The following GRIK2 variants were observed in gnomAD, a reference collection of about 807,000 sequenced individuals.
GRIK2 encodes the protein glutamate receptor ionotropic, kainate 2.
In GRIK2, 32 loss-of-function variants were observed where a neutral mutation model predicts 100.3. That is an observed-to-expected ratio of 0.32 (90% CI 0.24 to 0.43). GRIK2 has a LOEUF of 0.43. GRIK2 is among the 20% of genes least tolerant of loss of function. The pLI is 1.00. For synonymous variants in GRIK2, 417 were observed against 389.4 expected, an observed-to-expected ratio of 1.07 and a Z score of -0.83; for missense variants, 843 against 1,114.9, an observed-to-expected ratio of 0.76 and a Z score of 3.47.
At chr6:101,993,620 AAAT>A (rs964031540) in intron 14 of GRIK2, 1 of 150,736 alleles carries the variant, frequency 6.6e-6, no homozygotes, top group Non-Finnish European at 1.5e-5. Context: ...GTTATAGCAA[AAAT>A]AATGCCATAG....
At chr6:101,436,410 A>T (rs534960258) in intron 2 of GRIK2, among the ~76,000 whole-genome samples, 16 of 152,148 alleles carry the variant, frequency 1.1e-4, no homozygotes, top group African/African-American at 2.6e-4. Flanking sequence ...TGTTAAAAAA[A>T]TTTTTTTAGC....
chr6:101,868,842 A>C (rs1374105535), intron 11 of GRIK2, among the ~76,000 whole-genome samples: 2 of 151,898 alleles, frequency 1.3e-5, no homozygotes, highest in Admixed American at 1.3e-4. Context: ...ATGTGGAAAA[A>C]AATTCAGTAT....
At chr6:101,433,309 A>G (rs1769520820) in intron 2 of GRIK2, among the ~76,000 whole-genome samples, 2 of 152,174 alleles carry the variant, frequency 1.3e-5, no homozygotes, top group Admixed American at 1.3e-4. Context: ...TGAATCAACT[A>G]ACTTCTTCAA....
At chr6:101,565,314 C>T (rs956821815) in intron 2 of GRIK2, among the ~76,000 whole-genome samples, 3 of 152,062 alleles carry the variant, frequency 2.0e-5, no homozygotes, top group African/African-American at 7.2e-5. Flanking sequence ...ATTGATGACT[C>T]TTAAAACACA....
intron 2 of GRIK2, among the ~76,000 whole-genome samples, chr6:101,600,006 G>GT (rs1196357820): frequency 6.6e-6 from 1 of 151,638 alleles, no homozygotes; most frequent in African/African-American, 2.4e-5. Flanking sequence ...TGTTACCTAG[G>GT]TTTTCTACTA....
intron 14 of GRIK2, among the ~76,000 whole-genome samples, chr6:102,012,535 T>G: frequency 6.6e-6 from 1 of 152,196 alleles, no homozygotes; most frequent in Admixed American, 6.5e-5. Context: ...ATCAGAGTAT[T>G]ATACTTTTTC....
chr6:101,841,437 C>T (rs1459011710), intron 10 of GRIK2, among the ~76,000 whole-genome samples: 1 of 151,862 alleles, frequency 6.6e-6, no homozygotes, highest in Non-Finnish European at 1.5e-5. Flanking sequence ...AATCTCAGCC[C>T]ACTGCAAACT....
chr6:101,530,178 AT>A (rs1562204211), intron 2 of GRIK2, among the ~76,000 whole-genome samples: 29 of 152,180 alleles, frequency 1.9e-4, no homozygotes, highest in African/African-American at 6.5e-4. Context: ...ATGCTGGTGC[AT>A]TAAAGAGAGC....
intron 14 of GRIK2, among the ~76,000 whole-genome samples, chr6:102,025,370 A>G (rs1280155138): frequency 6.6e-6 from 1 of 151,386 alleles, no homozygotes; most frequent in Non-Finnish European, 1.5e-5. Context: ...GAGGAAATAC[A>G]TAATATACTA....
chr6:101,850,218 T>G (rs1562437694), intron 10 of GRIK2, among the ~76,000 whole-genome samples: 1 of 152,050 alleles, frequency 6.6e-6, no homozygotes, highest in Non-Finnish European at 1.5e-5. Flanking sequence ...GATTTCAAAT[T>G]CACCACTAGA....
At chr6:101,458,078 ATAT>A (rs1276505949) in intron 2 of GRIK2, among the ~76,000 whole-genome samples, 2 of 151,500 alleles carry the variant, frequency 1.3e-5, no homozygotes, top group Admixed American at 6.6e-5. Context: ...TATTTGAAAA[ATAT>A]TATGAGATAG....
intron 2 of GRIK2, among the ~76,000 whole-genome samples, chr6:101,595,035 G>C (rs1778844752): frequency 6.6e-6 from 1 of 151,510 alleles, no homozygotes; most frequent in African/African-American, 2.4e-5. Flanking sequence ...GAATAAAAGA[G>C]GGAGGTTAAG....
At chr6:101,665,977 T>C (rs1206707486) in intron 4 of GRIK2, among the ~76,000 whole-genome samples, 1 of 152,102 alleles carries the variant, frequency 6.6e-6, no homozygotes, top group African/African-American at 2.4e-5. Context: ...ATCATCAAAA[T>C]AGAGACGTAG....
intron 14 of GRIK2, among the ~76,000 whole-genome samples, chr6:101,931,763 C>T (rs1433141378): frequency 2.0e-5 from 3 of 152,088 alleles, no homozygotes; most frequent in Admixed American, 6.6e-5. Flanking sequence ...TAGTGGTTCT[C>T]ACATTATTTT....
At chr6:101,741,402 G>T (rs1449032056) in intron 7 of GRIK2, among the ~76,000 whole-genome samples, 2 of 152,118 alleles carry the variant, frequency 1.3e-5, no homozygotes, top group African/African-American at 4.8e-5. Flanking sequence ...CAAATGGTTG[G>T]GGTCCTGAGA....
chr6:101,725,039 G>C (rs1269806291), intron 7 of GRIK2, among the ~76,000 whole-genome samples: 3 of 151,732 alleles, frequency 2.0e-5, no homozygotes, highest in Non-Finnish European at 4.4e-5. Flanking sequence ...TCTCATAAAA[G>C]TTTTATTTTC....
At chr6:101,675,517 TG>T (rs1389623862) in intron 4 of GRIK2, among the ~76,000 whole-genome samples, 5 of 152,174 alleles carry the variant, frequency 3.3e-5, no homozygotes, top group African/African-American at 1.2e-4. Flanking sequence ...TTGCTTCATT[TG>T]ATCCAAGCTG....
chr6:101,944,470 T>C (rs937535809), intron 14 of GRIK2, among the ~76,000 whole-genome samples: 6 of 152,172 alleles, frequency 3.9e-5, no homozygotes. Flanking sequence ...AAATAGAAGA[T>C]AACAAATGTT....
intron 12 of GRIK2, among the ~76,000 whole-genome samples, chr6:101,908,998 T>G (rs981962529): frequency 6.6e-6 from 1 of 151,322 alleles, no homozygotes; most frequent in Non-Finnish European, 1.5e-5. Flanking sequence ...TCAACTAGTA[T>G]AGAAATTAAA....
Sources: allele counts gnomAD v4.1 joint callset (sites outside exome capture counted in the v4.1 genomes callset), GRCh38; gene constraint gnomAD v4.1.1; transcripts MANE v1.5; gene names NCBI Gene and HGNC (gene_info 2026-07-23, HGNC 2026-07-21).